The following YEATS2 variants were observed in gnomAD, a reference collection of about 807,000 sequenced individuals.
YEATS2 encodes YEATS domain-containing protein 2.
A neutral mutation model predicts 163.2 loss-of-function variants in YEATS2; 77 were observed. The observed-to-expected ratio is 0.47, with a 90% confidence interval of 0.39 to 0.57. YEATS2 has a LOEUF of 0.57. Ranked by LOEUF, YEATS2 falls within the 20% of genes least tolerant of loss-of-function variation. The probability of loss-of-function intolerance (pLI) is 0.00; values close to 1 mark genes in which losing one functional copy is unlikely to be tolerated. For synonymous variants in YEATS2, 631 were observed against 645.1 expected, an observed-to-expected ratio of 0.98 and a Z score of 0.33; for missense variants, 1,549 against 1,729.8, an observed-to-expected ratio of 0.90 and a Z score of 1.85.
rs900169496 is a variant in YEATS2, at chr3:183,803,638, G to A, written c.3582+303G>A. The A allele has an allele frequency of 6.1e-6, 3 of 493,946 alleles. No homozygotes were observed. The South Asian group carries it at 6.8e-5, about 11-fold the overall frequency. 30.6% of individuals were successfully genotyped at this position (493,946 alleles called of 1,614,324 possible). On this transcript the variant is annotated intron_variant, in intron 26 of 30. Transcript: ENST00000305135. Reference sequence around the variant, plus strand: ...TGTGGTGAGTTTAGGGAAAGCTGGGGTAGGAGGGGAGTGGGAGAGCGCAGG... The same window carrying A: ...TGTGGTGAGTTTAGGGAAAGCTGGGATAGGAGGGGAGTGGGAGAGCGCAGG...
chr3:183,712,251 C>T (rs188594416), intron 1 of YEATS2, among the ~76,000 whole-genome samples: 9 of 95,680 alleles, frequency 9.4e-5, no homozygotes, highest in African/African-American at 6.6e-4. Flanking sequence ...CACCCTGTCT[C>T]CCAGGCTGGA....
At chr3:183,758,366 A>AAATAAT (rs57751429) in intron 12 of YEATS2, among the ~76,000 whole-genome samples, 65,300 of 151,192 alleles carry the variant, frequency 0.43, 14,459 homozygotes, top group East Asian at 0.64. Context: ...CAGGAAAAAA[A>AAATAAT]AATAATAATG....
chr3:183,765,904 G>A (rs930518507), intron 15 of YEATS2, among the ~76,000 whole-genome samples: 3 of 150,618 alleles, frequency 2.0e-5, no homozygotes, highest in African/African-American at 4.9e-5. Context: ...CTGAGATGAC[G>A]CCACTGTACT....
Position 183,724,520 on chromosome 3 carries a change from C to G in YEATS2, c.639C>G (p.Gly213=). The G allele has an allele frequency of 6.2e-7, 1 of 1,606,310 alleles. No homozygotes were observed. Among genetic ancestry groups the G allele is most frequent in the Non-Finnish European group, 8.5e-7 (1 of 1,173,948 alleles). The change falls in exon 6 of 31, where the codon GGC becomes GGG. Residue 213 remains glycine (G), a synonymous_variant. Transcript: ENST00000305135. ...RLFVKKTIVV[G]NVSKYIPPDK... ...TTGTAAAGAAAACAATAGTAGTGGG[C>G]AATGTGTCCAAGTGAGTATCCAGTT...
rs756672109 is a variant in YEATS2 at position 183,790,786 on chromosome 3, T to G, written c.2914-11T>G. Reference sequence around the variant, plus strand: ...CTGAACTGTGTTGTTTCGGACCCCATGGGTGAGCAGTCTGAAGGAATGGCT... The same window carrying G: ...CTGAACTGTGTTGTTTCGGACCCCAGGGGTGAGCAGTCTGAAGGAATGGCT... On this transcript the variant is annotated splice_polypyrimidine_tract_variant and intron_variant, in intron 20 of 30. Transcript: ENST00000305135. 1 of 1,611,854 alleles carries G rather than the reference T, an allele frequency of 6.2e-7. No homozygotes were observed. Among genetic ancestry groups the G allele is most frequent in the Non-Finnish European group, 8.5e-7 (1 of 1,178,122 alleles).
chr3:183,784,744 GGCCT>G (rs1723893923), intron 19 of YEATS2, among the ~76,000 whole-genome samples: 2 of 151,308 alleles, frequency 1.3e-5, no homozygotes, highest in African/African-American at 4.9e-5. Context: ...GAGGTCCTAC[GGCCT>G]GAAAGCCAAA....
intron 15 of YEATS2, among the ~76,000 whole-genome samples, chr3:183,770,836 A>C (rs1364097330): frequency 2.6e-5 from 4 of 152,206 alleles, no homozygotes; most frequent in African/African-American, 7.2e-5. Context: ...TAATATATAT[A>C]ATTCTAGTTC....
rs574775476 is a variant in YEATS2 at position 183,804,308 on chromosome 3, C to T, written c.3784+120C>T. ...AACGAGAGCCTTTCCTACCTCCTGC[C>T]GTGTCCTTCGTGGGACCGTGCAGTC... On this transcript the variant is annotated intron_variant, in intron 27 of 30. Transcript: ENST00000305135. 85 of 1,196,980 alleles carry T rather than the reference C, an allele frequency of 7.1e-5. 1 individual carries two copies. In the South Asian group the frequency reaches 1.2e-3, roughly 16 times the overall value. The allele number at this position is 1,196,980 out of a possible 1,614,324, so 74.1% of individuals were successfully genotyped here. A position where few individuals can be genotyped will look rare whatever the true frequency, so the allele number is the denominator to read the frequency against.
At chr3:183,760,285 T>A (rs1371808822) in intron 13 of YEATS2, among the ~76,000 whole-genome samples, 1 of 151,960 alleles carries the variant, frequency 6.6e-6, no homozygotes, top group Non-Finnish European at 1.5e-5. Flanking sequence ...TTGCATTTTG[T>A]GTTTGAGAAT....
At chr3:183,803,828 C>G in intron 26 of YEATS2, 159 bp from the exon 27 acceptor site, 2 of 586,716 alleles carry the variant, frequency 3.4e-6, no homozygotes, top group Middle Eastern at 5.1e-4. Context: ...GGAAGTTCGA[C>G]TTTTTTTTTT....
intron 2 of YEATS2, among the ~76,000 whole-genome samples, chr3:183,715,773 A>ACC (rs1486422944): frequency 6.6e-6 from 1 of 152,180 alleles, no homozygotes; most frequent in Non-Finnish European, 1.5e-5. Flanking sequence ...GAATGGTAGA[A>ACC]GATTAGGAAA....
intron 20 of YEATS2, among the ~76,000 whole-genome samples, chr3:183,790,026 C>T (rs1724459265): frequency 1.3e-5 from 2 of 152,240 alleles, no homozygotes; most frequent in African/African-American, 4.8e-5. Flanking sequence ...TTCCCCGTGC[C>T]TCTTCACAGG....
chr3:183,742,267 C>T (rs1445612872), intron 8 of YEATS2, among the ~76,000 whole-genome samples: 1 of 151,808 alleles, frequency 6.6e-6, no homozygotes, highest in African/African-American at 2.4e-5. Flanking sequence ...GCTATGGATG[C>T]CATAAATAGT....
intron 9 of YEATS2, among the ~76,000 whole-genome samples, chr3:183,751,806 G>C (rs908142546): frequency 1.3e-5 from 2 of 152,200 alleles, no homozygotes; most frequent in Non-Finnish European, 2.9e-5. Flanking sequence ...AGTAGCAACA[G>C]CAAAATCAAG....
chr3:183,799,833 T>TC (rs1725495978), intron 23 of YEATS2, among the ~76,000 whole-genome samples: 2 of 128,820 alleles, frequency 1.6e-5, no homozygotes, highest in African/African-American at 6.9e-5. Flanking sequence ...TTTTTTTTTC[T>TC]TTTTTTTTTT....
intron 19 of YEATS2, among the ~76,000 whole-genome samples, chr3:183,779,469 C>T (rs1161499857): frequency 6.6e-6 from 1 of 152,162 alleles, no homozygotes; most frequent in African/African-American, 2.4e-5. Context: ...GTTGCCCCTC[C>T]CTCCTTGCAG....
chr3:183,810,862 G>C lies in YEATS2; in HGVS notation c.*279G>C. On this transcript the variant is annotated 3_prime_UTR_variant, in exon 31 of 31. Coordinates refer to ENST00000305135, the MANE Select transcript of YEATS2 (RefSeq NM_018023.5). ...CAGTCTTTGTAAAGGCCCCACGAGAGCGGGCCAGGCCGTGTGCCTCAGGCC... is the reference window on the plus strand; with the variant it reads ...CAGTCTTTGTAAAGGCCCCACGAGACCGGGCCAGGCCGTGTGCCTCAGGCC... 1 of 401,056 alleles carries C rather than the reference G, an allele frequency of 2.5e-6. No individual in the cohort carries two copies. Among genetic ancestry groups the C allele is most frequent in the Non-Finnish European group, 4.7e-6 (1 of 213,686 alleles). The allele number at this position is 401,056 out of a possible 1,614,324, so 24.8% of individuals were successfully genotyped here.
chr3:183,759,500 A>G (rs983221157), intron 13 of YEATS2, among the ~76,000 whole-genome samples: 2 of 152,236 alleles, frequency 1.3e-5, no homozygotes, highest in Non-Finnish European at 2.9e-5. Flanking sequence ...CTCTCGCAAC[A>G]GAGAGCTGCT....
chr3:183,716,205 C>G (rs959572452), intron 2 of YEATS2, among the ~76,000 whole-genome samples: 1 of 152,122 alleles, frequency 6.6e-6, no homozygotes, highest in Non-Finnish European at 1.5e-5. Context: ...GTGATCCACC[C>G]GCCTCGGCGT....
Sources: gnomAD v4.1 joint callset for allele counts (sites outside exome capture counted in the v4.1 genomes callset) on GRCh38, gnomAD v4.1.1 for gene constraint, MANE v1.5 for transcripts, NCBI Gene and HGNC (gene_info 2026-07-23, HGNC 2026-07-21) for gene names.